Variants in SAMTOR observed in about 807,000 individuals in gnomAD.
SAMTOR encodes the protein S-adenosylmethionine sensor upstream of mTORC1.
At chr7:112,852,808 CT>C in the SAMTOR span, among the ~76,000 whole-genome samples, 1 of 151,824 alleles carries the variant, frequency 6.6e-6, no homozygotes, top group African/African-American at 2.4e-5. Context: ...TAACAAGAAC[CT>C]TTCTTAGTGT....
the SAMTOR span, among the ~76,000 whole-genome samples, chr7:112,939,027 T>C: frequency 6.6e-6 from 1 of 152,148 alleles, no homozygotes; most frequent in Non-Finnish European, 1.5e-5. Flanking sequence ...CTTTTAACAA[T>C]GTGAAGTCCA....
At chr7:112,897,449 A>G in the SAMTOR span, among the ~76,000 whole-genome samples, 1 of 152,164 alleles carries the variant, frequency 6.6e-6, no homozygotes, top group Non-Finnish European at 1.5e-5. Context: ...AAAAATTGCA[A>G]TTTTATGTGG....
At chr7:112,847,141 G>A in the SAMTOR span, among the ~76,000 whole-genome samples, 1 of 152,114 alleles carries the variant, frequency 6.6e-6, no homozygotes, top group Admixed American at 6.6e-5. Flanking sequence ...TAATCCTTAT[G>A]CAAATTCTCA....
At chr7:112,899,892 G>C in the SAMTOR span, among the ~76,000 whole-genome samples, 3 of 151,258 alleles carry the variant, frequency 2.0e-5, no homozygotes, top group South Asian at 2.1e-4. Flanking sequence ...AAAGATGAAG[G>C]ACTTCACACC....
the SAMTOR span, among the ~76,000 whole-genome samples, chr7:112,858,600 G>C: frequency 6.6e-6 from 1 of 151,932 alleles, no homozygotes; most frequent in African/African-American, 2.4e-5. Context: ...ATAAATTTTT[G>C]ATTAGATGTT....
At chr7:112,912,496 A>T in the SAMTOR span, among the ~76,000 whole-genome samples, 1 of 152,048 alleles carries the variant, frequency 6.6e-6, no homozygotes, top group Non-Finnish European at 1.5e-5. Context: ...CCCTTTTTAA[A>T]GCCCACTTTA....
At chr7:112,828,445 C>T in the SAMTOR span, among the ~76,000 whole-genome samples, 2 of 152,094 alleles carry the variant, frequency 1.3e-5, no homozygotes, top group African/African-American at 2.4e-5. Context: ...GTGACGTTCT[C>T]CCTGTGTGCT....
chr7:112,915,595 T>A, the SAMTOR span: 1 of 485,694 alleles, frequency 2.1e-6, no homozygotes, highest in Non-Finnish European at 3.3e-6. Flanking sequence ...TTAAAATGTT[T>A]AAATAAATGT....
the SAMTOR span, among the ~76,000 whole-genome samples, chr7:112,901,707 T>C: frequency 2.6e-5 from 4 of 152,248 alleles, no homozygotes; most frequent in South Asian, 8.3e-4. Flanking sequence ...AAAGAACTCT[T>C]AAAACTCTGT....
the SAMTOR span, among the ~76,000 whole-genome samples, chr7:112,840,418 T>G: frequency 6.6e-6 from 1 of 152,022 alleles, no homozygotes; most frequent in South Asian, 2.1e-4. Context: ...GGGATCACTT[T>G]TTTTCTGCCT....
the SAMTOR span, among the ~76,000 whole-genome samples, chr7:112,828,655 T>C: frequency 7.0e-6 from 1 of 141,890 alleles, no homozygotes; most frequent in Non-Finnish European, 1.5e-5. Flanking sequence ...TAAATTATCT[T>C]TAAAGAGTTT....
chr7:112,857,733 C>G, the SAMTOR span, among the ~76,000 whole-genome samples: 1 of 152,152 alleles, frequency 6.6e-6, no homozygotes, highest in Non-Finnish European at 1.5e-5. Flanking sequence ...TCTGTATAAA[C>G]TAAAGAACTG....
the SAMTOR span, among the ~76,000 whole-genome samples, chr7:112,875,561 T>C: frequency 6.6e-6 from 1 of 152,188 alleles, no homozygotes; most frequent in Non-Finnish European, 1.5e-5. Flanking sequence ...ATATGTGCTA[T>C]AGTCAAGTTA....
At chr7:112,842,432 C>G in the SAMTOR span, among the ~76,000 whole-genome samples, 1 of 151,930 alleles carries the variant, frequency 6.6e-6, no homozygotes, top group Admixed American at 6.6e-5. Context: ...ATGCTCTCAG[C>G]TCAACAGAAG....
the SAMTOR span, among the ~76,000 whole-genome samples, chr7:112,886,111 G>T: frequency 2.0e-5 from 3 of 152,034 alleles, no homozygotes; most frequent in African/African-American, 7.3e-5. Flanking sequence ...AACTCACTTG[G>T]TATCATGAGA....
At chr7:112,868,618 G>A in the SAMTOR span, among the ~76,000 whole-genome samples, 1 of 152,174 alleles carries the variant, frequency 6.6e-6, no homozygotes, top group Non-Finnish European at 1.5e-5. Flanking sequence ...ACTGAGAGGA[G>A]GACACCATTT....
chr7:112,919,587 A>G, the SAMTOR span, among the ~76,000 whole-genome samples: 2 of 152,216 alleles, frequency 1.3e-5, no homozygotes, highest in African/African-American at 2.4e-5. Flanking sequence ...AAGGCAAGAA[A>G]TAACTAAAAT....
At chr7:112,918,286 C>T in the SAMTOR span, among the ~76,000 whole-genome samples, 1 of 152,138 alleles carries the variant, frequency 6.6e-6, no homozygotes, top group Admixed American at 6.5e-5. Flanking sequence ...GAGTGGGGGC[C>T]TATATTCAAC....
At chr7:112,898,987 G>C in the SAMTOR span, among the ~76,000 whole-genome samples, 1 of 152,172 alleles carries the variant, frequency 6.6e-6, no homozygotes, top group Admixed American at 6.5e-5. Context: ...AACAAGTCCA[G>C]ATTACAAAGA....
Sources: allele counts gnomAD v4.1 joint callset (sites outside exome capture counted in the v4.1 genomes callset), GRCh38; gene constraint gnomAD v4.1.1; transcripts MANE v1.5; gene names NCBI Gene and HGNC (gene_info 2026-07-23, HGNC 2026-07-21).